TECPR2: variants seen among roughly 807,000 people sequenced by gnomAD.
The protein encoded by TECPR2 is tectonin beta-propeller repeat containing 2.
TECPR2 carries 65 observed loss-of-function variants against 138.1 expected under a neutral mutation model. The ratio of observed to expected loss-of-function variants is 0.47; its 90% CI spans 0.39 to 0.58. The LOEUF (loss-of-function observed/expected upper bound fraction) is 0.58. Among genes scored for constraint, TECPR2 ranks in the 20% least tolerant of loss-of-function variants. The pLI is 0.00. For missense variants in TECPR2, 1,553 were observed against 1,824.5 expected (o/e 0.85, Z 2.71); for synonymous variants, 746 against 749.8 (o/e 0.99, Z 0.08).
chr14:102,370,933 C>T (rs1887488707), intron 1 of TECPR2, among the ~76,000 whole-genome samples: 2 of 152,112 alleles, frequency 1.3e-5, no homozygotes, highest in Admixed American at 6.5e-5. Flanking sequence ...GTCAGCATGG[C>T]CCAGGCAACT....
At chr14:102,395,269 C>T (rs897814999) in intron 2 of TECPR2, among the ~76,000 whole-genome samples, 1 of 152,120 alleles carries the variant, frequency 6.6e-6, no homozygotes, top group African/African-American at 2.4e-5. Flanking sequence ...TATAGCAGCT[C>T]ACTTGGTACC....
chr14:102,420,454 C>T lies in TECPR2; in HGVS notation c.639-4525C>T, dbSNP rs781310652. 2.6e-5 allele frequency among the ~76,000 whole-genome samples: 4 copies of T among 152,018 alleles called. No individual in the cohort carries two copies. Among genetic ancestry groups the T allele is most frequent in the Non-Finnish European group, 4.4e-5 (3 of 67,994 alleles). ...TCACAACTTCACTGCCTTTGACCAA[C>T]CCACTCATCAGACATTTCCGTTCTT... is the stretch of plus-strand genomic sequence containing the variant. On this transcript the variant is annotated intron_variant, in intron 5 of 19. Transcript: ENST00000359520. The surrounding 1 kb of genome is among the most constrained non-coding windows in gnomAD (Gnocchi z 4.1).
At position 102,500,464 on chromosome 14, in the gene TECPR2, G is replaced by A. The variant is rs1331611743; in HGVS notation, c.*2207G>A. Reference sequence around the variant, plus strand: ...GAGCTGTGTGTGAGCAGGCGTTGGAGGGGTTCGAGCCCCTGGTTCTGTATC... The same window carrying A: ...GAGCTGTGTGTGAGCAGGCGTTGGAAGGGTTCGAGCCCCTGGTTCTGTATC... On this transcript the variant is annotated 3_prime_UTR_variant, in exon 20 of 20. Transcript: ENST00000359520. 1.3e-5 allele frequency: 2 copies of A among 152,296 alleles called. No homozygotes were observed. The highest frequency in any genetic ancestry group is 2.9e-5 in the Non-Finnish European group (2 of 68,110). 9.4% of individuals were successfully genotyped at this position (152,296 alleles called of 1,614,324 possible). A position where few individuals can be genotyped will look rare whatever the true frequency, so the allele number is the denominator to read the frequency against.
At chr14:102,449,028 A>G (rs1248520913) in intron 13 of TECPR2, among the ~76,000 whole-genome samples, 1 of 152,226 alleles carries the variant, frequency 6.6e-6, no homozygotes, top group Non-Finnish European at 1.5e-5. Context: ...TTGGGAGGCC[A>G]AGGCAGGGAG....
Position 102,454,701 on chromosome 14 carries a change from C to T in TECPR2, c.3640+2074C>T, listed in dbSNP as rs142416664. ...CCTACCCAGACTAACTGGAAAATGC[C>T]GCTAGTTCCCTCTGAGGGTAAAAAG... On this transcript the variant is annotated intron_variant, in intron 16 of 19. Coordinates refer to ENST00000359520, the MANE Select transcript of TECPR2 (RefSeq NM_014844.5). Among the ~76,000 whole-genome samples, 520 of 152,288 alleles carry T rather than the reference C, an allele frequency of 3.4e-3. 5 individuals carry two copies. Among genetic ancestry groups the T allele is most frequent in the African/African-American group, 0.012 (488 of 41,560 alleles).
At chr14:102,395,820 CTAAAA>C (rs1253679802) in intron 2 of TECPR2, among the ~76,000 whole-genome samples, 1 of 152,106 alleles carries the variant, frequency 6.6e-6, no homozygotes, top group African/African-American at 2.4e-5. Flanking sequence ...CTAAACTAAA[CTAAAA>C]TAAACCAACA....
rs938360182 is a variant in TECPR2 at position 102,497,025 on chromosome 14, A to G, written c.3836A>G (p.Gln1279Arg). The part of the protein sequence containing the change: ...LVSVHSSPND[Q>R]MLWVLDSRWN... ...AGCGTCCATTCCAGCCCCAACGACC[A>G]GATGCTGTGGGTGCTTGACAGCAGG... The change falls in exon 18 of 20, where the codon CAG (glutamine) becomes CGG (arginine). Residue 1279 changes from glutamine to arginine, a missense_variant. Transcript: ENST00000359520. The G allele has an allele frequency of 3.1e-5, 50 of 1,613,902 alleles. No homozygotes were observed. Among genetic ancestry groups the G allele is most frequent in the Admixed American group, 2.3e-4 (14 of 60,006 alleles).
intron 2 of TECPR2, among the ~76,000 whole-genome samples, chr14:102,383,538 G>A (rs1887897523): frequency 6.6e-6 from 1 of 151,840 alleles, no homozygotes; most frequent in African/African-American, 2.4e-5. Flanking sequence ...CTCCTGAGTA[G>A]CTGGAATTAC....
intron 2 of TECPR2, among the ~76,000 whole-genome samples, chr14:102,384,943 G>GC (rs1281610760): frequency 7.5e-6 from 1 of 133,780 alleles, no homozygotes; most frequent in Non-Finnish European, 1.5e-5. Flanking sequence ...TGCGACCTCT[G>GC]CCTCCTAGGT....
intron 10 of TECPR2, 120 bp from the exon 11 acceptor site, chr14:102,440,313 TGGG>T (rs1445820724): frequency 7.4e-6 from 10 of 1,342,728 alleles, no homozygotes; most frequent in African/African-American, 1.5e-5. Flanking sequence ...TTTCCCCACT[TGGG>T]GGGACAGAAC....
chr14:102,408,565 G>A lies in TECPR2; in HGVS notation c.426G>A (p.Leu142=). 2 of 1,613,522 alleles carry A rather than the reference G, an allele frequency of 1.2e-6. No homozygotes were observed. The highest frequency in any genetic ancestry group is 1.7e-6 in the Non-Finnish European group (2 of 1,179,840). ...ALAWSPNGMK[L]FSGDDKGKIV... The stretch of plus-strand genomic sequence containing the variant: ...CTTGGAGCCCCAATGGAATGAAATT[G>A]TTCTCTGGAGATGACAAAGGCAAAA... Residue 142 remains leucine, a synonymous_variant, in exon 4 of 20, where the codon TTG becomes TTA. Transcript: ENST00000359520.
At chr14:102,378,593 C>G (rs1271461347) in intron 2 of TECPR2, among the ~76,000 whole-genome samples, 1 of 152,048 alleles carries the variant, frequency 6.6e-6, no homozygotes, top group African/African-American at 2.4e-5. Context: ...ATCATGTGAA[C>G]TTGGGCAGAC....
At chr14:102,408,456 T>A in intron 3 of TECPR2, 32 bp from the exon 4 acceptor site, 1 of 1,579,704 alleles carries the variant, frequency 6.3e-7, no homozygotes, top group Non-Finnish European at 8.6e-7. Flanking sequence ...TCCTTTTTTT[T>A]TCTTGTGTAT....
At chr14:102,363,350 G>C (rs1165559729) in intron 1 of TECPR2, among the ~76,000 whole-genome samples, 1 of 152,178 alleles carries the variant, frequency 6.6e-6, no homozygotes, top group Non-Finnish European at 1.5e-5. Flanking sequence ...CCGGCGGTCC[G>C]CAGCGGGGAA....
At position 102,415,178 on chromosome 14, in the gene TECPR2, G is replaced by C. The variant is rs2139703577; in HGVS notation, c.638+385G>C. 6.6e-6 allele frequency among the ~76,000 whole-genome samples: 1 copy of C among 152,342 alleles called. No homozygotes were observed. Among genetic ancestry groups the C allele is most frequent in the East Asian group, 1.9e-4 (1 of 5,186 alleles). ...TCGTTATTCAGCACGTGTTTACCAT[G>C]CACCCCTGTGCACTGTGGCAGGCTC... is the stretch of plus-strand genomic sequence containing the variant. On this transcript the variant is annotated intron_variant, in intron 5 of 19. Transcript: ENST00000359520. This position sits in a 1 kb window ranked among gnomAD's most constrained non-coding sequence, Gnocchi z 4.3.
At chr14:102,456,773 T>C (rs1282093553) in intron 16 of TECPR2, among the ~76,000 whole-genome samples, 12 of 151,654 alleles carry the variant, frequency 7.9e-5, no homozygotes, top group Non-Finnish European at 1.8e-4. Flanking sequence ...GTATTTTTAG[T>C]AGAGATGGGG....
intron 5 of TECPR2, among the ~76,000 whole-genome samples, chr14:102,421,780 T>A (rs1252226472): frequency 6.6e-6 from 1 of 152,216 alleles, no homozygotes; most frequent in Non-Finnish European, 1.5e-5. Flanking sequence ...TGGGAGTTAC[T>A]CTGCCTGGTT....
chr14:102,449,804 A>G lies in TECPR2; in HGVS notation c.3251A>G (p.Asn1084Ser), dbSNP rs1312195019. 6.2e-7 allele frequency: 1 copy of G among 1,614,212 alleles called. No homozygotes were observed. The highest frequency in any genetic ancestry group is 8.5e-7 in the Non-Finnish European group (1 of 1,180,042). The change falls in exon 14 of 20, where the codon AAT becomes AGT. Residue 1084 changes from asparagine to serine, a missense_variant. Coordinates refer to ENST00000359520, the MANE Select transcript of TECPR2 (RefSeq NM_014844.5). ...TGCCAGCCAAGCCTTCTCGGGGTCA[A>G]TAACAGCGGTGTCTGGATCTCCTCG... ...LQCQPSLLGVNNSGVWISSGK... is the reference protein window; with the variant it reads ...LQCQPSLLGVSNSGVWISSGK...
At chr14:102,434,182 T>TTG (rs1889590034) in intron 8 of TECPR2, 53 bp from the exon 9 acceptor site, 1 of 1,327,464 alleles carries the variant, frequency 7.5e-7, no homozygotes. Flanking sequence ...AGTTAGTCTC[T>TTG]TACTAATCAT....
Sources: gnomAD v4.1 joint callset for allele counts (sites outside exome capture counted in the v4.1 genomes callset) on GRCh38, gnomAD v4.1.1 for gene constraint, Gnocchi (gnomAD v3.1) non-coding constraint, MANE v1.5 for transcripts, NCBI Gene and HGNC (gene_info 2026-07-23, HGNC 2026-07-21) for gene names.